Variants in GALNT13 observed in about 807,000 individuals in gnomAD.
GALNT13 encodes UDP-GalNAc:polypeptide N-acetylgalactosaminyltransferase 13.
GALNT13 carries 28 observed loss-of-function variants against 64.2 expected under a neutral mutation model. That is an observed-to-expected ratio of 0.44 (90% CI 0.32 to 0.60). GALNT13 has a LOEUF of 0.60. GALNT13 is among the 20% of genes least tolerant of loss of function. The pLI is 0.05. For missense variants in GALNT13, 577 were observed against 669.8 expected, an observed-to-expected ratio of 0.86 and a Z score of 1.53; for synonymous variants, 214 against 224.6, an observed-to-expected ratio of 0.95 and a Z score of 0.42.
At chr2:154,290,576 A>G (rs964745026) in intron 8 of GALNT13, among the ~76,000 whole-genome samples, 26 of 152,222 alleles carry the variant, frequency 1.7e-4, no homozygotes, top group African/African-American at 6.3e-4. Flanking sequence ...GGCCAGAACC[A>G]CAGGAAGCTG....
chr2:153,541,557 T>C, the GALNT13 span, among the ~76,000 whole-genome samples: 1 of 152,214 alleles, frequency 6.6e-6, no homozygotes, highest in Non-Finnish European at 1.5e-5. Context: ...CCTACAATTA[T>C]TACTCTAACC....
intron 2 of GALNT13, among the ~76,000 whole-genome samples, chr2:153,920,448 G>A (rs1389015879): frequency 1.3e-5 from 2 of 151,956 alleles, no homozygotes; most frequent in East Asian, 3.9e-4. Flanking sequence ...GATTAAAACT[G>A]GGCCCTTTCT....
chr2:153,099,015 C>T, the GALNT13 span, among the ~76,000 whole-genome samples: 1 of 151,900 alleles, frequency 6.6e-6, no homozygotes, highest in Admixed American at 6.6e-5. Context: ...CGAGCTACTC[C>T]GAGGCTGAGG....
chr2:153,365,477 T>G, the GALNT13 span, among the ~76,000 whole-genome samples: 1 of 152,130 alleles, frequency 6.6e-6, no homozygotes, highest in African/African-American at 2.4e-5. Flanking sequence ...GGAGAAAATT[T>G]TTTTGCAATC....
chr2:153,974,005 T>C (rs1693913068), intron 3 of GALNT13, among the ~76,000 whole-genome samples: 1 of 152,102 alleles, frequency 6.6e-6, no homozygotes, highest in African/African-American at 2.4e-5. Flanking sequence ...CAATGATTTA[T>C]AGACTTTTAC....
In GALNT13 at chr2:154,269,204, T is replaced by C. The variant is rs550981514; in HGVS notation, c.975+10066T>C. ...TTTGTCAACCTTTAGGGGCTTATAG[T>C]ATCCAGACTTTTTAAAAATACTTAA... is the stretch of plus-strand genomic sequence containing the variant. On this transcript the variant is annotated intron_variant, in intron 8 of 12. Transcript: ENST00000392825. 2.9e-3 allele frequency among the ~76,000 whole-genome samples: 434 copies of C among 152,198 alleles called. 4 individuals carry two copies. Among genetic ancestry groups the C allele is most frequent in the African/African-American group, 0.01 (430 of 41,576 alleles).
chr2:153,826,837 C>T, the GALNT13 span, among the ~76,000 whole-genome samples: 1 of 151,972 alleles, frequency 6.6e-6, no homozygotes, highest in African/African-American at 2.4e-5. Flanking sequence ...GTTGGGGATA[C>T]AGAAGAGTGC....
chr2:153,206,325 G>T, the GALNT13 span, among the ~76,000 whole-genome samples: 1 of 151,998 alleles, frequency 6.6e-6, no homozygotes, highest in Non-Finnish European at 1.5e-5. Flanking sequence ...GCTTGTTCAG[G>T]CCCTTCTTAT....
chr2:153,556,797 C>T, the GALNT13 span, among the ~76,000 whole-genome samples: 1 of 152,170 alleles, frequency 6.6e-6, no homozygotes, highest in Non-Finnish European at 1.5e-5. Context: ...CAGACTGAGG[C>T]CCTGTTCTCT....
rs6709747 is a variant in GALNT13, at chr2:154,075,382, A to C, written c.143-64955A>C. On this transcript the variant is annotated intron_variant, in intron 3 of 12. Transcript: ENST00000392825. ...CTCTTTAGGTTTCGAGATAACATCCATACCATACATAAAACCAAGTATAGT... is the reference window on the plus strand; with the variant it reads ...CTCTTTAGGTTTCGAGATAACATCCCTACCATACATAAAACCAAGTATAGT... Among the ~76,000 whole-genome samples, 3 of 151,618 alleles carry C rather than the reference A, an allele frequency of 2.0e-5. No individual in the cohort carries two copies. The South Asian group carries it at 6.2e-4, about 31-fold the overall frequency.
At chr2:153,730,840 A>T in the GALNT13 span, among the ~76,000 whole-genome samples, 3 of 152,180 alleles carry the variant, frequency 2.0e-5, no homozygotes, top group African/African-American at 7.2e-5. Context: ...CCACAGTGAG[A>T]TATTATCTTA....
the GALNT13 span, among the ~76,000 whole-genome samples, chr2:153,843,420 G>A: frequency 6.6e-6 from 1 of 152,144 alleles, no homozygotes; most frequent in Non-Finnish European, 1.5e-5. Context: ...CATTCATGAG[G>A]GATCTGCCAC....
At chr2:153,976,266 T>C (rs538830398) in intron 3 of GALNT13, among the ~76,000 whole-genome samples, 2 of 134,712 alleles carry the variant, frequency 1.5e-5, no homozygotes, top group Non-Finnish European at 3.1e-5. Flanking sequence ...ATCAATCAAT[T>C]AATTAATTAA....
chr2:154,234,089 G>T (rs1689069016), intron 4 of GALNT13, among the ~76,000 whole-genome samples: 1 of 152,086 alleles, frequency 6.6e-6, no homozygotes, highest in Admixed American at 6.6e-5. Flanking sequence ...CTTCCCTCAA[G>T]CCTAGATGGT....
the GALNT13 span, among the ~76,000 whole-genome samples, chr2:153,368,816 C>G: frequency 5.3e-5 from 8 of 151,428 alleles, no homozygotes; most frequent in Admixed American, 5.3e-4. Flanking sequence ...CACTATAAAC[C>G]AAATATACCT....
intron 1 of GALNT13, among the ~76,000 whole-genome samples, chr2:153,884,593 C>G (rs1687007895): frequency 6.6e-6 from 1 of 151,336 alleles, no homozygotes; most frequent in South Asian, 2.1e-4. Flanking sequence ...TTAATAAACT[C>G]TATAACATGT....
the GALNT13 span, among the ~76,000 whole-genome samples, chr2:153,256,474 G>C: frequency 1.3e-5 from 2 of 152,162 alleles, no homozygotes; most frequent in Non-Finnish European, 2.9e-5. Context: ...GCTCCTCAAC[G>C]TCATTCTCCG....
chr2:153,241,935 C>T, the GALNT13 span, among the ~76,000 whole-genome samples: 2 of 151,940 alleles, frequency 1.3e-5, no homozygotes, highest in Admixed American at 6.6e-5. Context: ...GCTGTGGGTG[C>T]CTGAAACCAA....
the GALNT13 span, among the ~76,000 whole-genome samples, chr2:153,719,540 T>G: frequency 2.0e-5 from 3 of 152,124 alleles, no homozygotes. Flanking sequence ...TGCATTTCCA[T>G]CTGAGGTACT....
Sources: gnomAD v4.1 joint callset for allele counts (sites outside exome capture counted in the v4.1 genomes callset) on GRCh38, gnomAD v4.1.1 for gene constraint, MANE v1.5 for transcripts, NCBI Gene and HGNC (gene_info 2026-07-23, HGNC 2026-07-21) for gene names.